The following DMXL2 variants were observed in gnomAD, a reference collection of about 807,000 sequenced individuals.
DMXL2 encodes the protein dmX-like protein 2.
In DMXL2, 103 loss-of-function variants were observed where a neutral mutation model predicts 331.1. The observed-to-expected ratio is 0.31, with a 90% CI of 0.27 to 0.37. The LOEUF is 0.37. Ranked by LOEUF, DMXL2 falls within the 10% of genes least tolerant of loss-of-function variation. The pLI is 1.00. For missense variants in DMXL2, 3,171 were observed against 3,642.9 expected (o/e 0.87, Z 3.33); for synonymous variants, 1,281 against 1,252.1 (o/e 1.02, Z -0.49).
intron 1 of DMXL2, among the ~76,000 whole-genome samples, chr15:51,589,221 G>C (rs953139299): frequency 6.6e-6 from 1 of 152,108 alleles, no homozygotes; most frequent in African/African-American, 2.4e-5. Flanking sequence ...TCAGAAATAA[G>C]GCAACTATTA....
In DMXL2 at chr15:51,498,716, G is replaced by C. The variant is rs1386203628; in HGVS notation, c.4508C>G (p.Pro1503Arg). Reference protein sequence around the residue: ...SKVINLSQYGPAYFGQEHARV... With the variant: ...SKVINLSQYGRAYFGQEHARV... ...TGCATGTTCTTGGCCAAAGTAAGCT[G>C]GTCCATATTGAGAAAGATTTATTAC... Residue 1503 changes from proline (P) to arginine (R), a missense_variant, in exon 18 of 44, where the codon CCA becomes CGA. By Grantham distance (103) the Pro-to-Arg change is moderately radical. Around this residue, in one of 7 missense-constraint regions of DMXL2, gnomAD observed 252 missense variants for 387.4 expected, o/e 0.65. Transcript: ENST00000560891. 4 of 1,614,048 alleles carry C rather than the reference G, an allele frequency of 2.5e-6. No individual in the cohort carries two copies. The highest frequency in any genetic ancestry group is 1.1e-5 in the South Asian group (1 of 91,082).
chr15:51,508,317 A>G (rs767458814), intron 15 of DMXL2, among the ~76,000 whole-genome samples: 1 of 152,210 alleles, frequency 6.6e-6, no homozygotes, highest in South Asian at 2.1e-4. Flanking sequence ...CGCAGAACTT[A>G]AAGTATAATA....
chr15:51,469,174 T>C (rs79323437), intron 29 of DMXL2, among the ~76,000 whole-genome samples: 3,107 of 152,148 alleles, frequency 0.02, 49 homozygotes, highest in Middle Eastern at 0.034. Context: ...GTAACACTAA[T>C]GTAGATCTAT....
intron 7 of DMXL2, among the ~76,000 whole-genome samples, chr15:51,546,301 G>A (rs1206941775): frequency 1.3e-5 from 2 of 152,014 alleles, no homozygotes; most frequent in Non-Finnish European, 2.9e-5. Context: ...TTACCTGTTT[G>A]TTACAAAGGA....
intron 13 of DMXL2, among the ~76,000 whole-genome samples, chr15:51,522,280 T>C (rs2047421826): frequency 6.6e-6 from 1 of 152,242 alleles, no homozygotes; most frequent in South Asian, 2.1e-4. Context: ...CTTCAAGTAC[T>C]GTCTTTGTAA....
chr15:51,475,319 C>T (rs1468677233), intron 27 of DMXL2, among the ~76,000 whole-genome samples: 1 of 152,102 alleles, frequency 6.6e-6, no homozygotes, highest in Non-Finnish European at 1.5e-5. Context: ...TGGTGAAACC[C>T]TGTCTTTACT....
At chr15:51,539,683 C>A (rs770642822) in intron 9 of DMXL2, among the ~76,000 whole-genome samples, 2 of 152,026 alleles carry the variant, frequency 1.3e-5, no homozygotes, top group Non-Finnish European at 2.9e-5. Context: ...GTGGCACACA[C>A]CTGTGGTCCC....
intron 15 of DMXL2, among the ~76,000 whole-genome samples, chr15:51,511,436 A>G (rs1211648324): frequency 1.3e-5 from 2 of 152,248 alleles, no homozygotes; most frequent in Admixed American, 1.3e-4. Flanking sequence ...AACATATGAA[A>G]AAATGCTCAT....
intron 7 of DMXL2, among the ~76,000 whole-genome samples, chr15:51,546,310 G>T (rs1233852044): frequency 6.6e-6 from 1 of 151,790 alleles, no homozygotes; most frequent in Non-Finnish European, 1.5e-5. Flanking sequence ...TGTTACAAAG[G>T]AACAAAAAAA....
At chr15:51,540,587 T>C (rs959793301) in intron 9 of DMXL2, among the ~76,000 whole-genome samples, 3 of 152,054 alleles carry the variant, frequency 2.0e-5, no homozygotes. Flanking sequence ...GTAAGTGGTA[T>C]ATGGATATTT....
Position 51,450,312 on chromosome 15 carries a change from C to T in DMXL2, c.8784G>A (p.Leu2928=). ...FTCHDHGATV[L]QYAPKQQLLI... is the part of the protein sequence containing the mutation. ...GGAGTTGCTGTTTGGGTGCATACTG[C>T]AGTACCGTGGCACCATGATCGTGGC... Residue 2928 remains leucine (L), a synonymous_variant, in exon 43 of 44, where the codon CTG becomes CTA. Transcript: ENST00000560891. 3 of 1,613,996 alleles carry T rather than the reference C, an allele frequency of 1.9e-6. No homozygotes were observed. Among genetic ancestry groups the T allele is most frequent in the East Asian group, 2.2e-5 (1 of 44,870 alleles).
At position 51,555,491 on chromosome 15, in the gene DMXL2, C is replaced by T. The variant is rs1184083656; in HGVS notation, c.567+7890G>A. Among the ~76,000 whole-genome samples the T allele has an allele frequency of 7.2e-5, 11 of 152,090 alleles. No individual in the cohort carries two copies. The South Asian group carries it at 2.1e-3, about 29-fold the overall frequency. ...ATCTTAAGACTAGAAGAGCCCTGGG[C>T]ACTCCAACATTTAAAAGTAGAAAAG... On this transcript the variant is annotated intron_variant, in intron 6 of 43. Coordinates refer to ENST00000560891, the MANE Select transcript of DMXL2 (RefSeq NM_001378457.1).
At chr15:51,563,123 C>T (rs548390320) in intron 6 of DMXL2, among the ~76,000 whole-genome samples, 1 of 151,300 alleles carries the variant, frequency 6.6e-6, no homozygotes, top group East Asian at 1.9e-4. Flanking sequence ...TATTTTTAAA[C>T]ACAAAACTTA....
In DMXL2 at chr15:51,536,536, A is replaced by C; in HGVS notation, c.1944T>G (p.Gly648=). Reference sequence around the variant, plus strand: ...CCAGGTCATTGAGGTGAAATCGATGACCGCAATATCTAAATTTGTGAGATA... The same window carrying C: ...CCAGGTCATTGAGGTGAAATCGATGCCCGCAATATCTAAATTTGTGAGATA... ...LTVSHKFRYC[G]HRFHLNDLAC... The change falls in exon 12 of 44, where the codon GGT becomes GGG. Residue 648 remains glycine (G), a synonymous_variant. Transcript: ENST00000560891. The C allele has an allele frequency of 6.2e-7, 1 of 1,613,916 alleles. No homozygotes were observed. The highest frequency in any genetic ancestry group is 8.5e-7 in the Non-Finnish European group (1 of 1,179,918).
chr15:51,564,683 A>G (rs1214128993), intron 4 of DMXL2, among the ~76,000 whole-genome samples: 1 of 152,162 alleles, frequency 6.6e-6, no homozygotes, highest in Non-Finnish European at 1.5e-5. Context: ...GAATATAAAA[A>G]GGGACAACAG....
intron 15 of DMXL2, 90 bp downstream of exon 15, chr15:51,514,352 G>A (rs896848447): frequency 2.8e-6 from 2 of 722,628 alleles, no homozygotes; most frequent in Non-Finnish European, 4.4e-6. Flanking sequence ...TTATGAGAGT[G>A]GTAACTTTTG....
Position 51,499,349 on chromosome 15 carries a change from T to C in DMXL2, c.3875A>G (p.Glu1292Gly). 1 of 1,613,996 alleles carries C rather than the reference T, an allele frequency of 6.2e-7. No individual in the cohort carries two copies. Among genetic ancestry groups the C allele is most frequent in the Non-Finnish European group, 8.5e-7 (1 of 1,180,002 alleles). Residue 1292 changes from glutamate to glycine, a missense_variant, in exon 18 of 44, where the codon GAG becomes GGG. Glu to Gly is a moderately conservative substitution (Grantham distance 98, BLOSUM62 -2). Transcript: ENST00000560891. Reference protein sequence around the residue: ...DTEADSSNAEEAAMQDHSTFK... With the variant: ...DTEADSSNAEGAAMQDHSTFK... The stretch of plus-strand genomic sequence containing the variant: ...GGTCGAATGATCTTGCATTGCTGCC[T>C]CTTCTGCATTAGAACTATCAGCTTC...
chr15:51,556,895 G>GA (rs919328003), intron 6 of DMXL2, among the ~76,000 whole-genome samples: 1 of 151,696 alleles, frequency 6.6e-6, no homozygotes, highest in Non-Finnish European at 1.5e-5. Context: ...TTCTTTATCT[G>GA]AAAAAAAAGT....
chr15:51,489,302 A>T (rs1217455978), intron 20 of DMXL2, among the ~76,000 whole-genome samples: 1 of 152,182 alleles, frequency 6.6e-6, no homozygotes, highest in Non-Finnish European at 1.5e-5. Flanking sequence ...GCAAAGCAGG[A>T]AGCTATAATA....
Sources: allele counts gnomAD v4.1 joint callset (sites outside exome capture counted in the v4.1 genomes callset), GRCh38; gene constraint gnomAD v4.1.1; regional missense constraint gnomAD v4.1.1; transcripts MANE v1.5; gene names NCBI Gene and HGNC (gene_info 2026-07-23, HGNC 2026-07-21).